Variants in MLLT3 observed in about 807,000 individuals in gnomAD.
MLLT3 encodes the protein protein AF-9.
MLLT3 carries 4 observed loss-of-function variants against 53.2 expected under a neutral mutation model. That is an observed-to-expected ratio of 0.08 (90% confidence interval 0.04 to 0.17). MLLT3 has a LOEUF of 0.17. MLLT3 is among the 10% of genes least tolerant of loss of function. MLLT3 has a pLI of 1.00. For missense variants in MLLT3, 569 were observed against 684.0 expected (o/e 0.83, Z 1.87); for synonymous variants, 283 against 230.6 (o/e 1.23, Z -2.06).
At chr9:20,585,412 T>G (rs1383594173) in intron 2 of MLLT3, among the ~76,000 whole-genome samples, 1 of 152,194 alleles carries the variant, frequency 6.6e-6, no homozygotes, top group Non-Finnish European at 1.5e-5. Context: ...GGGTAGGGTT[T>G]CAACGTATGA....
At position 20,622,436 on chromosome 9, in the gene MLLT3, TA is replaced by T; in HGVS notation, c.-181del. ...CTCGCTTGCTCGCTCGCTCGCTTAT[TA>T]AACTCAGCCCCAAAAGCAAAAGCAG... On this transcript the variant is annotated 5_prime_UTR_variant, in exon 1 of 11. Transcript: ENST00000380338. The T allele has an allele frequency of 1.7e-6, 1 of 577,074 alleles. No individual in the cohort carries two copies. The highest frequency in any genetic ancestry group is 3.9e-4 in the Middle Eastern group (1 of 2,552). 35.7% of individuals were successfully genotyped at this position (577,074 alleles called of 1,614,324 possible). A position where few individuals can be genotyped will look rare whatever the true frequency, so the allele number is the denominator to read the frequency against.
At chr9:20,586,493 G>A (rs1190811042) in intron 2 of MLLT3, among the ~76,000 whole-genome samples, 2 of 152,072 alleles carry the variant, frequency 1.3e-5, no homozygotes, top group Non-Finnish European at 2.9e-5. Context: ...AAATCACTGG[G>A]GGGCTTAGGG....
At chr9:20,469,049 T>C (rs1824306309) in intron 2 of MLLT3, among the ~76,000 whole-genome samples, 1 of 152,198 alleles carries the variant, frequency 6.6e-6, no homozygotes, top group East Asian at 1.9e-4. Context: ...CAGGAAATAC[T>C]AAATATAAAG....
intron 8 of MLLT3, among the ~76,000 whole-genome samples, chr9:20,358,127 AT>A (rs570628150): frequency 6.6e-6 from 1 of 151,846 alleles, no homozygotes; most frequent in Non-Finnish European, 1.5e-5. Context: ...TATACTAGTA[AT>A]TTTTTTTAAG....
chr9:20,455,759 C>A (rs1359181081), intron 3 of MLLT3, among the ~76,000 whole-genome samples: 1 of 151,980 alleles, frequency 6.6e-6, no homozygotes, highest in African/African-American at 2.4e-5. Flanking sequence ...AGTTACTATT[C>A]TAAGTACTTT....
At chr9:20,533,126 G>C in intron 2 of MLLT3, 1 of 268,466 alleles carries the variant, frequency 3.7e-6, no homozygotes, top group Non-Finnish European at 7.4e-6. Context: ...GCAAGTCTGG[G>C]ACATCTAGTT....
intron 2 of MLLT3, among the ~76,000 whole-genome samples, chr9:20,535,190 G>A (rs987577111): frequency 2.6e-4 from 40 of 152,296 alleles, no homozygotes; most frequent in African/African-American, 8.7e-4. Context: ...TTTCTCATAG[G>A]AGTGTGAAAC....
chr9:20,428,958 T>C (rs1823199651), intron 4 of MLLT3, among the ~76,000 whole-genome samples: 1 of 152,174 alleles, frequency 6.6e-6, no homozygotes, highest in South Asian at 2.1e-4. Context: ...CCTGTATTAA[T>C]ATCAGATAAG....
chr9:20,360,040 A>G (rs1227503129), intron 8 of MLLT3, among the ~76,000 whole-genome samples: 1 of 152,228 alleles, frequency 6.6e-6, no homozygotes, highest in Non-Finnish European at 1.5e-5. Context: ...CCAAATAGTT[A>G]TATTTTGAGT....
At chr9:20,433,583 T>A (rs568064109) in intron 4 of MLLT3, among the ~76,000 whole-genome samples, 7 of 152,218 alleles carry the variant, frequency 4.6e-5, no homozygotes, top group African/African-American at 1.7e-4. Context: ...GATCATGTGA[T>A]GTGGTTCAAT....
chr9:20,559,870 A>C (rs1345003450), intron 2 of MLLT3, among the ~76,000 whole-genome samples: 1 of 152,238 alleles, frequency 6.6e-6, no homozygotes, highest in African/African-American at 2.4e-5. Flanking sequence ...ATTTTGTAGC[A>C]GCAAGAGTAC....
intron 5 of MLLT3, among the ~76,000 whole-genome samples, chr9:20,407,385 C>A (rs1019594171): frequency 6.6e-6 from 1 of 152,172 alleles, no homozygotes; most frequent in Non-Finnish European, 1.5e-5. Flanking sequence ...GTGTAAGAAG[C>A]TAGAGGCTCC....
intron 2 of MLLT3, among the ~76,000 whole-genome samples, chr9:20,539,983 A>G (rs563650465): frequency 3.3e-5 from 5 of 152,348 alleles, no homozygotes; most frequent in African/African-American, 9.6e-5. Context: ...TCCAAAAGGG[A>G]AAAAGTGCCC....
intron 2 of MLLT3, among the ~76,000 whole-genome samples, chr9:20,529,955 CT>C (rs1477355710): frequency 6.6e-6 from 1 of 152,076 alleles, no homozygotes; most frequent in Admixed American, 6.5e-5. Flanking sequence ...TGGGGCTGCA[CT>C]TTTATCTACT....
chr9:20,619,559 T>C (rs1820934512), intron 2 of MLLT3, among the ~76,000 whole-genome samples: 3 of 152,224 alleles, frequency 2.0e-5, no homozygotes, highest in Admixed American at 6.5e-5. Context: ...CCAATAAAGA[T>C]TACGGATCAA....
chr9:20,519,267 T>C (rs557949631), intron 2 of MLLT3, among the ~76,000 whole-genome samples: 2 of 152,334 alleles, frequency 1.3e-5, no homozygotes, highest in African/African-American at 4.8e-5. Flanking sequence ...CTTATCAGTT[T>C]TTACAAAAGT....
chr9:20,523,965 C>A (rs1174453241), intron 2 of MLLT3, among the ~76,000 whole-genome samples: 3 of 146,576 alleles, frequency 2.0e-5, no homozygotes, highest in Admixed American at 6.7e-5. Flanking sequence ...AGCCAGAACC[C>A]ATCTCAAAAA....
chr9:20,531,079 CT>C (rs371687632), intron 2 of MLLT3, among the ~76,000 whole-genome samples: 4,158 of 125,152 alleles, frequency 0.033, 119 homozygotes, highest in African/African-American at 0.095. Flanking sequence ...TTGCTTTTAG[CT>C]TTTTTTTTTT....
At chr9:20,396,877 A>T (rs780531179) in intron 5 of MLLT3, among the ~76,000 whole-genome samples, 1 of 152,146 alleles carries the variant, frequency 6.6e-6, no homozygotes, top group Non-Finnish European at 1.5e-5. Flanking sequence ...ACCACAATCC[A>T]AGGTGAGGCA....
Sources: gnomAD v4.1 joint callset for allele counts (sites outside exome capture counted in the v4.1 genomes callset) on GRCh38, gnomAD v4.1.1 for gene constraint, MANE v1.5 for transcripts, NCBI Gene and HGNC (gene_info 2026-07-23, HGNC 2026-07-21) for gene names.